The following CDYL variants were observed in gnomAD, a reference collection of about 807,000 sequenced individuals.
CDYL encodes the protein chromodomain Y-like protein.
Under a neutral mutation model 47.3 loss-of-function variants are expected in CDYL, and 8 were observed. The observed-to-expected ratio is 0.17, with a 90% CI of 0.10 to 0.31. The LOEUF (loss-of-function observed/expected upper bound fraction) is 0.31. CDYL is among the 10% of genes least tolerant of loss of function. The pLI, the probability that CDYL is intolerant of heterozygous loss-of-function variation, is 1.00. For missense variants in CDYL, 471 were observed against 701.4 expected (o/e 0.67, Z 3.71); for synonymous variants, 266 against 265.0 (o/e 1.00, Z -0.04).
chr6:4,825,877 T>C (rs1581192580), intron 1 of CDYL, among the ~76,000 whole-genome samples: 1 of 148,538 alleles, frequency 6.7e-6, no homozygotes, highest in African/African-American at 2.5e-5. Context: ...GAGAGTCACC[T>C]GACACACATC....
chr6:4,883,287 C>G (rs1004438926), intron 1 of CDYL, among the ~76,000 whole-genome samples: 2 of 152,182 alleles, frequency 1.3e-5, no homozygotes, highest in African/African-American at 4.8e-5. Context: ...AGAACCACCC[C>G]TAGAGCCTTC....
chr6:4,893,347 G>A lies in CDYL; in HGVS notation c.691+968G>A, dbSNP rs561863637. On this transcript the variant is annotated intron_variant, in intron 2 of 6. Coordinates refer to ENST00000397588, the MANE Select transcript of CDYL (RefSeq NM_004824.4). ...TCCCTTCCTCTCCATCTGCTCAGGG[G>A]CCCCCACCACCTGGCCCTCTCCTCT... 4.6e-3 allele frequency among the ~76,000 whole-genome samples: 708 copies of A among 152,296 alleles called. 4 individuals carry two copies. Among genetic ancestry groups the A allele is most frequent in the African/African-American group, 0.016 (684 of 41,564 alleles).
At chr6:4,732,091 C>G (rs1405009584) in intron 2 of CDYL, among the ~76,000 whole-genome samples, 1 of 151,942 alleles carries the variant, frequency 6.6e-6, no homozygotes, top group African/African-American at 2.4e-5. Context: ...TCCCAGCACT[C>G]TGGGAGGCTG....
chr6:4,931,906 G>A (rs139684875), intron 2 of CDYL, among the ~76,000 whole-genome samples: 41 of 152,322 alleles, frequency 2.7e-4, no homozygotes, highest in Non-Finnish European at 5.6e-4. Flanking sequence ...CGGATAGTTC[G>A]TAGGGACTAT....
intron 3 of CDYL, among the ~76,000 whole-genome samples, chr6:4,767,514 A>G (rs976469632): frequency 3.4e-5 from 5 of 146,934 alleles, no homozygotes; most frequent in Non-Finnish European, 6.0e-5. Context: ...TGGAGGTTGC[A>G]GTGAGCTGAG....
At chr6:4,836,629 AC>A (rs1760316453) in intron 1 of CDYL, among the ~76,000 whole-genome samples, 1 of 152,174 alleles carries the variant, frequency 6.6e-6, no homozygotes, top group Admixed American at 6.5e-5. Context: ...ATAGATAATT[AC>A]AGCCTTATTT....
At chr6:4,883,458 G>A (rs1761818315) in intron 1 of CDYL, among the ~76,000 whole-genome samples, 1 of 152,186 alleles carries the variant, frequency 6.6e-6, no homozygotes, top group Non-Finnish European at 1.5e-5. Flanking sequence ...AGCAGGGGAT[G>A]GTGCCAGCGC....
At chr6:4,762,423 G>A (rs1758188735) in intron 3 of CDYL, among the ~76,000 whole-genome samples, 1 of 151,728 alleles carries the variant, frequency 6.6e-6, no homozygotes, top group Non-Finnish European at 1.5e-5. Context: ...AGACACACAA[G>A]GAGTAAAATA....
intron 2 of CDYL, among the ~76,000 whole-genome samples, chr6:4,914,129 T>G (rs548159225): frequency 6.6e-6 from 1 of 152,210 alleles, no homozygotes; most frequent in East Asian, 1.9e-4. Context: ...TGTTCTGGTC[T>G]TAGGCCCTGT....
In CDYL at chr6:4,829,814, A is replaced by G. The variant is rs1409144012; in HGVS notation, c.24+53007A>G. ...ATACCTACACAATTATTTGTGAATAAGGTTGGCTGTGCTCCCTCTAGAACC... is the reference window on the plus strand; with the variant it reads ...ATACCTACACAATTATTTGTGAATAGGGTTGGCTGTGCTCCCTCTAGAACC... On this transcript the variant is annotated intron_variant, in intron 1 of 6. Transcript: ENST00000397588. Among the ~76,000 whole-genome samples the G allele has an allele frequency of 2.0e-5, 3 of 152,366 alleles. No homozygotes were observed. In the East Asian group the frequency reaches 5.8e-4, roughly 29 times the overall value.
intron 1 of CDYL, among the ~76,000 whole-genome samples, chr6:4,806,062 C>T (rs987753849): frequency 1.3e-5 from 2 of 152,216 alleles, no homozygotes; most frequent in Non-Finnish European, 2.9e-5. Flanking sequence ...GAGATTCGAC[C>T]GCAGGGAGCG....
intron 1 of CDYL, among the ~76,000 whole-genome samples, chr6:4,808,116 T>C (rs963362096): frequency 1.3e-5 from 2 of 152,196 alleles, no homozygotes; most frequent in Admixed American, 1.3e-4. Flanking sequence ...GCTCCAGCTC[T>C]GGAGTCAGGC....
At chr6:4,932,738 A>G (rs1391631717) in intron 2 of CDYL, among the ~76,000 whole-genome samples, 1 of 152,210 alleles carries the variant, frequency 6.6e-6, no homozygotes, top group Non-Finnish European at 1.5e-5. Flanking sequence ...CGTGTCACGT[A>G]GCCTCTGCCT....
At chr6:4,779,054 G>A (rs1480640827) in intron 1 of CDYL, among the ~76,000 whole-genome samples, 1 of 152,192 alleles carries the variant, frequency 6.6e-6, no homozygotes, top group African/African-American at 2.4e-5. Flanking sequence ...GATGATGATT[G>A]TATGGTAACT....
At chr6:4,876,514 G>C (rs1336699624) in intron 1 of CDYL, among the ~76,000 whole-genome samples, 2 of 151,510 alleles carry the variant, frequency 1.3e-5, no homozygotes, top group East Asian at 1.9e-4. Flanking sequence ...TGGCCATTCT[G>C]ATGGGCATGT....
intron 1 of CDYL, among the ~76,000 whole-genome samples, chr6:4,831,914 T>C (rs1426159537): frequency 3.3e-5 from 5 of 151,740 alleles, no homozygotes; most frequent in Non-Finnish European, 7.4e-5. Flanking sequence ...GTGATTTTTG[T>C]ACATTGATTT....
intron 3 of CDYL, among the ~76,000 whole-genome samples, chr6:4,759,929 GAAGAAAGAAAAGAAAAGA>G (rs1393443116): frequency 1.4e-4 from 7 of 50,072 alleles, no homozygotes; most frequent in African/African-American, 3.4e-4. Context: ...AAAAAAAGAA[GAAGAAAGAAAAGAAAAGA>G]AAGAAAGAAA....
intron 1 of CDYL, among the ~76,000 whole-genome samples, chr6:4,864,378 G>A (rs1761260697): frequency 6.6e-6 from 1 of 152,112 alleles, no homozygotes; most frequent in African/African-American, 2.4e-5. Context: ...GATAAAATTG[G>A]GAAACATTTT....
At chr6:4,710,008 T>C (rs1267974406) in intron 1 of CDYL, among the ~76,000 whole-genome samples, 4 of 152,018 alleles carry the variant, frequency 2.6e-5, no homozygotes, top group Non-Finnish European at 5.9e-5. Flanking sequence ...ATTGTCTGTG[T>C]TCAGGAGTTC....
Sources: allele counts gnomAD v4.1 joint callset (sites outside exome capture counted in the v4.1 genomes callset), GRCh38; gene constraint gnomAD v4.1.1; transcripts MANE v1.5; gene names NCBI Gene and HGNC (gene_info 2026-07-23, HGNC 2026-07-21).